Variants in ST18 observed in about 807,000 individuals in gnomAD.
The protein encoded by ST18 is ST18 C2H2C-type zinc finger transcription factor.
ST18 carries 50 observed loss-of-function variants against 110.0 expected under a neutral mutation model. The ratio of observed to expected loss-of-function variants is 0.45; its 90% CI spans 0.36 to 0.58. The LOEUF is 0.58. Ranked by LOEUF, ST18 falls within the 20% of genes least tolerant of loss-of-function variation. The pLI, the probability that ST18 is intolerant of heterozygous loss-of-function variation, is 0.00. For missense variants in ST18, 1,306 were observed against 1,280.1 expected (o/e 1.02, Z -0.31); for synonymous variants, 461 against 452.4 (o/e 1.02, Z -0.24).
chr8:52,145,122 T>C (rs1373791009), intron 16 of ST18, among the ~76,000 whole-genome samples: 2 of 151,984 alleles, frequency 1.3e-5, no homozygotes, highest in African/African-American at 4.8e-5. Flanking sequence ...ATGGCAAAGT[T>C]ATGAACAAAG....
At chr8:52,193,689 T>G (rs2075301459) in intron 8 of ST18, among the ~76,000 whole-genome samples, 1 of 152,230 alleles carries the variant, frequency 6.6e-6, no homozygotes, top group Admixed American at 6.5e-5. Flanking sequence ...TGTGCATTCA[T>G]CTGAAATAGG....
intron 23 of ST18, among the ~76,000 whole-genome samples, chr8:52,124,379 T>C (rs2046176996): frequency 6.6e-6 from 1 of 152,110 alleles, no homozygotes; most frequent in Non-Finnish European, 1.5e-5. Context: ...TTTCACCATG[T>C]TGGCCAGTAT....
At chr8:52,396,835 A>T (rs955755352) in intron 2 of ST18, among the ~76,000 whole-genome samples, 1 of 152,206 alleles carries the variant, frequency 6.6e-6, no homozygotes, top group African/African-American at 2.4e-5. Context: ...GAGCCAGACC[A>T]TATCAACTGG....
intron 2 of ST18, among the ~76,000 whole-genome samples, chr8:52,382,894 A>T (rs1835097054): frequency 6.6e-6 from 1 of 152,110 alleles, no homozygotes; most frequent in Admixed American, 6.5e-5. Flanking sequence ...GGAAGTGGAC[A>T]TTCTGTGACA....
At chr8:52,229,231 C>T (rs906720150) in intron 3 of ST18, among the ~76,000 whole-genome samples, 13 of 152,318 alleles carry the variant, frequency 8.5e-5, no homozygotes, top group East Asian at 7.7e-4. Context: ...GCTGCCATAA[C>T]AAATTTTTAC....
At chr8:52,137,390 A>T (rs1454823473) in intron 18 of ST18, 31 bp downstream of exon 18, 11 of 1,612,786 alleles carry the variant, frequency 6.8e-6, no homozygotes, top group Non-Finnish European at 8.5e-6. Context: ...AAGACCATGA[A>T]AATCTGACTG....
chr8:52,133,855 C>T (rs1370468591), intron 19 of ST18, among the ~76,000 whole-genome samples: 5 of 151,914 alleles, frequency 3.3e-5, no homozygotes, highest in African/African-American at 1.2e-4. Context: ...CTCAGCCTCC[C>T]GAGTAGCTGG....
intron 16 of ST18, 30 bp from the exon 17 acceptor site, chr8:52,143,075 A>C: frequency 6.9e-7 from 1 of 1,440,482 alleles, no homozygotes; most frequent in Non-Finnish European, 9.7e-7. Context: ...CAAACAAAAC[A>C]CAGAAGCCAT....
intron 17 of ST18, among the ~76,000 whole-genome samples, chr8:52,138,276 A>C (rs2053333108): frequency 6.6e-6 from 1 of 152,192 alleles, no homozygotes; most frequent in South Asian, 2.1e-4. Flanking sequence ...CTTTATAAAC[A>C]TTTTAGAAAC....
intron 2 of ST18, among the ~76,000 whole-genome samples, chr8:52,268,545 T>G (rs1000290949): frequency 6.6e-6 from 1 of 152,132 alleles, no homozygotes; most frequent in Non-Finnish European, 1.5e-5. Flanking sequence ...CATCTATCTA[T>G]CTATTTATCT....
intron 16 of ST18, among the ~76,000 whole-genome samples, chr8:52,148,057 T>A (rs557492469): frequency 7.9e-5 from 12 of 152,120 alleles, no homozygotes; most frequent in African/African-American, 2.7e-4. Context: ...GTAACCTCTG[T>A]TTTTTGGCAC....
In ST18 at chr8:52,142,239, G is replaced by A. The variant is rs902168383; in HGVS notation, c.2168+691C>T. On this transcript the variant is annotated intron_variant, in intron 17 of 25. Transcript: ENST00000689386. ...TGATACGTTCAGCTGGAAAAGGAAG[G>A]GGAGACAGAGAATCCAGGTGGAAGC... is the stretch of plus-strand genomic sequence containing the variant. Among the ~76,000 whole-genome samples the A allele has an allele frequency of 2.0e-5, 3 of 152,244 alleles. No individual in the cohort carries two copies. The East Asian group carries it at 5.8e-4, about 29-fold the overall frequency.
chr8:52,315,265 T>A (rs2139798714), intron 2 of ST18, among the ~76,000 whole-genome samples: 1 of 152,356 alleles, frequency 6.6e-6, no homozygotes, highest in Non-Finnish European at 1.5e-5. Flanking sequence ...TCTGATGTGG[T>A]ATAAAATAGA....
intron 2 of ST18, among the ~76,000 whole-genome samples, chr8:52,378,211 T>C (rs936551091): frequency 3.9e-5 from 6 of 152,134 alleles, no homozygotes; most frequent in African/African-American, 7.2e-5. Context: ...GAGTCAACAA[T>C]AGTTTATCAT....
chr8:52,332,941 G>A (rs1403521907), intron 2 of ST18, among the ~76,000 whole-genome samples: 2 of 152,138 alleles, frequency 1.3e-5, no homozygotes, highest in South Asian at 2.1e-4. Flanking sequence ...CAACCCTGGA[G>A]GACCTAATTA....
rs1406961395 is a variant in ST18, at chr8:52,184,063, T to A, written c.87-3751A>T. 3.9e-5 allele frequency among the ~76,000 whole-genome samples: 6 copies of A among 152,178 alleles called. No homozygotes were observed. In the East Asian group the frequency reaches 1.2e-3, roughly 29 times the overall value. ...TTATTGTGACACTTCACTGTGACAC[T>A]GCAATGAGGGAAAGCCATGCTTTAC... On this transcript the variant is annotated intron_variant, in intron 8 of 25. Coordinates refer to ENST00000689386, the MANE Select transcript of ST18 (RefSeq NM_001352837.2).
At chr8:52,178,372 A>C (rs943092392) in intron 9 of ST18, among the ~76,000 whole-genome samples, 2 of 152,034 alleles carry the variant, frequency 1.3e-5, no homozygotes, top group African/African-American at 4.8e-5. Flanking sequence ...TCACACCTGT[A>C]ATCCCAGCAC....
intron 8 of ST18, among the ~76,000 whole-genome samples, chr8:52,199,929 G>C (rs994208983): frequency 1.3e-5 from 2 of 152,150 alleles, no homozygotes; most frequent in Non-Finnish European, 2.9e-5. Flanking sequence ...CAGCCAGAAG[G>C]AGCTGCTCAT....
intron 2 of ST18, among the ~76,000 whole-genome samples, chr8:52,343,111 G>A (rs960609159): frequency 6.6e-6 from 1 of 152,102 alleles, no homozygotes; most frequent in South Asian, 2.1e-4. Flanking sequence ...ATGAGGAAGA[G>A]GTGCCTATCA....
Sources: allele counts gnomAD v4.1 joint callset (sites outside exome capture counted in the v4.1 genomes callset), GRCh38; gene constraint gnomAD v4.1.1; transcripts MANE v1.5; gene names NCBI Gene and HGNC (gene_info 2026-07-23, HGNC 2026-07-21).